Variants in NKAIN3 observed in about 807,000 individuals in gnomAD.
NKAIN3 encodes the protein sodium/potassium transporting ATPase interacting 3.
Under a neutral mutation model 30.2 loss-of-function variants are expected in NKAIN3, and 25 were observed. The ratio of observed to expected loss-of-function variants is 0.83; its 90% CI spans 0.60 to 1.16. The LOEUF is 1.16. Among genes scored for constraint, NKAIN3 ranks in the 50% most tolerant of loss-of-function variants. NKAIN3 has a pLI of 0.00. For missense variants in NKAIN3, 225 were observed against 254.1 expected (o/e 0.89, Z 0.78); for synonymous variants, 91 against 89.6 (o/e 1.02, Z -0.09).
intron 1 of NKAIN3, among the ~76,000 whole-genome samples, chr8:62,274,521 A>T (rs1016225760): frequency 2.6e-5 from 4 of 152,174 alleles, no homozygotes; most frequent in African/African-American, 9.6e-5. Flanking sequence ...TTTTTTTTCT[A>T]TTTAAACAAA....
chr8:62,960,071 G>GAT (rs1823527773), intron 6 of NKAIN3, among the ~76,000 whole-genome samples: 1 of 152,182 alleles, frequency 6.6e-6, no homozygotes, highest in Non-Finnish European at 1.5e-5. Flanking sequence ...AACACATCCT[G>GAT]ATATATACTT....
chr8:62,847,140 A>G (rs1290544287), intron 4 of NKAIN3, among the ~76,000 whole-genome samples: 3 of 152,154 alleles, frequency 2.0e-5, no homozygotes, highest in Admixed American at 6.6e-5. Flanking sequence ...TGGTGCTGCA[A>G]TGAACACACA....
chr8:62,436,839 C>T (rs893358924), intron 1 of NKAIN3, among the ~76,000 whole-genome samples: 1 of 151,942 alleles, frequency 6.6e-6, no homozygotes, highest in Non-Finnish European at 1.5e-5. Flanking sequence ...TACTGGACTT[C>T]GCACAAGTAA....
intron 5 of NKAIN3, among the ~76,000 whole-genome samples, chr8:62,993,374 A>C (rs1000087043): frequency 6.6e-6 from 1 of 152,238 alleles, no homozygotes; most frequent in African/African-American, 2.4e-5. Context: ...ACCAACACTT[A>C]AGAAAATTGG....
chr8:62,446,124 G>A (rs1805478547), intron 1 of NKAIN3, among the ~76,000 whole-genome samples: 1 of 152,052 alleles, frequency 6.6e-6, no homozygotes, highest in Admixed American at 6.6e-5. Context: ...GCCAATTTTA[G>A]GATTCAACCT....
intron 1 of NKAIN3, among the ~76,000 whole-genome samples, chr8:62,322,791 C>T (rs61010677): frequency 3.1e-4 from 47 of 152,216 alleles, no homozygotes; most frequent in African/African-American, 4.3e-4. Flanking sequence ...CACTCCAAAA[C>T]GTAACTGATA....
At chr8:62,683,013 G>GTTTGTTTGTTTT (rs1468883244) in intron 3 of NKAIN3, among the ~76,000 whole-genome samples, 1 of 148,942 alleles carries the variant, frequency 6.7e-6, no homozygotes, top group African/African-American at 2.5e-5. Context: ...GTCAGGTTTT[G>GTTTGTTTGTTTT]TTTGTTTGTT....
intron 1 of NKAIN3, among the ~76,000 whole-genome samples, chr8:62,283,572 A>G (rs1198576426): frequency 1.3e-5 from 2 of 152,154 alleles, no homozygotes; most frequent in Non-Finnish European, 2.9e-5. Context: ...CTAACTAATT[A>G]TTGAAGTTAT....
intron 4 of NKAIN3, among the ~76,000 whole-genome samples, chr8:62,826,917 T>C (rs558923609): frequency 6.6e-6 from 1 of 152,284 alleles, no homozygotes; most frequent in East Asian, 1.9e-4. Context: ...ACTCTCAAAG[T>C]CTTTTTCTTT....
chr8:62,655,257 C>G (rs1812732770), intron 3 of NKAIN3, among the ~76,000 whole-genome samples: 1 of 152,128 alleles, frequency 6.6e-6, no homozygotes, highest in Non-Finnish European at 1.5e-5. Flanking sequence ...CATGCATATA[C>G]TTTAAATATA....
intron 1 of NKAIN3, among the ~76,000 whole-genome samples, chr8:62,376,706 G>A (rs935103397): frequency 6.6e-6 from 1 of 152,020 alleles, no homozygotes; most frequent in Non-Finnish European, 1.5e-5. Flanking sequence ...CAAATGTTCA[G>A]CCTAGGGATT....
At chr8:62,506,349 C>T (rs1263124160) in intron 1 of NKAIN3, among the ~76,000 whole-genome samples, 1 of 151,894 alleles carries the variant, frequency 6.6e-6, no homozygotes, top group Non-Finnish European at 1.5e-5. Context: ...AATTCTACAC[C>T]CCTCCCGTAA....
intron 1 of NKAIN3, among the ~76,000 whole-genome samples, chr8:62,514,719 G>GT (rs969329729): frequency 3.6e-4 from 55 of 152,250 alleles, no homozygotes; most frequent in African/African-American, 1.3e-3. Context: ...TGGATGTAGT[G>GT]TAAGGGATGT....
chr8:62,990,454 C>A, intron 5 of NKAIN3: 4 of 802,644 alleles, frequency 5.0e-6, no homozygotes, highest in Non-Finnish European at 6.5e-6. Flanking sequence ...CTAAAGATTG[C>A]CATTGCTTTG....
intron 3 of NKAIN3, among the ~76,000 whole-genome samples, chr8:62,681,868 G>A (rs1357998382): frequency 2.0e-5 from 3 of 152,168 alleles, no homozygotes; most frequent in Non-Finnish European, 4.4e-5. Context: ...ACTGCTCTCA[G>A]AGGCAGGCTG....
chr8:62,305,602 C>A (rs547417468), intron 1 of NKAIN3, among the ~76,000 whole-genome samples: 1 of 150,514 alleles, frequency 6.6e-6, no homozygotes, highest in African/African-American at 2.5e-5. Context: ...TATCTATACT[C>A]TTTCCCTGCA....
intron 4 of NKAIN3, among the ~76,000 whole-genome samples, chr8:62,758,716 C>T (rs1011870279): frequency 3.9e-5 from 6 of 152,058 alleles, no homozygotes; most frequent in African/African-American, 9.7e-5. Context: ...ACCATTCTTG[C>T]CCTTAACATA....
chr8:62,714,737 T>G (rs1814835730), intron 3 of NKAIN3, among the ~76,000 whole-genome samples: 1 of 152,220 alleles, frequency 6.6e-6, no homozygotes, highest in Non-Finnish European at 1.5e-5. Flanking sequence ...CAATTTTTCT[T>G]TTTTTACAAA....
intron 5 of NKAIN3, among the ~76,000 whole-genome samples, chr8:62,934,854 T>C (rs1822732529): frequency 6.6e-6 from 1 of 151,824 alleles, no homozygotes; most frequent in Non-Finnish European, 1.5e-5. Context: ...GGGTAGAAAA[T>C]GAAAGCAATG....
Sources: allele counts gnomAD v4.1 joint callset (sites outside exome capture counted in the v4.1 genomes callset), GRCh38; gene constraint gnomAD v4.1.1; transcripts MANE v1.5; gene names NCBI Gene and HGNC (gene_info 2026-07-23, HGNC 2026-07-21).